Variants in DYRK1A observed in about 807,000 individuals in gnomAD.
DYRK1A encodes dual specificity tyrosine phosphorylation regulated kinase 1A.
A neutral mutation model predicts 79.7 loss-of-function variants in DYRK1A; 9 were observed. The ratio of observed to expected loss-of-function variants is 0.11; its 90% confidence interval spans 0.07 to 0.20. DYRK1A has a LOEUF of 0.20. Among genes scored for constraint, DYRK1A ranks in the 10% least tolerant of loss-of-function variants. DYRK1A has a pLI of 1.00. For synonymous variants in DYRK1A, 349 were observed against 329.7 expected, an observed-to-expected ratio of 1.06 and a Z score of -0.63; for missense variants, 622 against 956.0, an observed-to-expected ratio of 0.65 and a Z score of 4.61.
chr21:37,388,249 A>G (rs775982520), intron 1 of DYRK1A, among the ~76,000 whole-genome samples: 1 of 151,116 alleles, frequency 6.6e-6, no homozygotes, highest in Non-Finnish European at 1.5e-5. Flanking sequence ...TGCCTGACTA[A>G]TTTTTCTGTA....
intron 2 of DYRK1A, among the ~76,000 whole-genome samples, chr21:37,444,356 T>A (rs891340117): frequency 8.7e-5 from 13 of 149,492 alleles, no homozygotes; most frequent in African/African-American, 3.3e-4. Flanking sequence ...GATCAGTAAC[T>A]GCAGGAAGGA....
intron 1 of DYRK1A, among the ~76,000 whole-genome samples, chr21:37,416,438 T>C (rs1161949264): frequency 6.6e-6 from 1 of 151,758 alleles, no homozygotes; most frequent in Non-Finnish European, 1.5e-5. Flanking sequence ...TTTTTCTCTG[T>C]AATGCTGCTT....
At chr21:37,482,271 A>C (rs980571889) in intron 5 of DYRK1A, among the ~76,000 whole-genome samples, 1 of 152,154 alleles carries the variant, frequency 6.6e-6, no homozygotes, top group African/African-American at 2.4e-5. Context: ...TTCACCCCCA[A>C]TATTTCATGT....
At position 37,522,809 on chromosome 21, in the gene DYRK1A, C is replaced by T. The variant is rs551083106; in HGVS notation, c.*10278C>T. On this transcript the variant is annotated 3_prime_UTR_variant, in exon 12 of 12. Coordinates refer to ENST00000647188, the MANE Select transcript of DYRK1A (RefSeq NM_001347721.2). Reference sequence around the variant, plus strand: ...CCTTCTCAAAAGCCTGCTCTTTGCCCATTTCTCTGTTCCCAAGGTCATTTT... The same window carrying T: ...CCTTCTCAAAAGCCTGCTCTTTGCCTATTTCTCTGTTCCCAAGGTCATTTT... 1 of 152,432 alleles carries T rather than the reference C, an allele frequency of 6.6e-6. No individual in the cohort carries two copies. Among genetic ancestry groups the T allele is most frequent in the South Asian group, 2.1e-4 (1 of 4,832 alleles). 9.4% of individuals were successfully genotyped at this position (152,432 alleles called of 1,614,324 possible).
Position 37,385,589 on chromosome 21 carries a change from C to T in DYRK1A, c.-77+17961C>T, listed in dbSNP as rs543120773. Among the ~76,000 whole-genome samples, 4 of 152,310 alleles carry T rather than the reference C, an allele frequency of 2.6e-5. No individual in the cohort carries two copies. In the East Asian group the frequency reaches 7.7e-4, roughly 29 times the overall value. ...TTTGTTGTATTCTCTTGCTTAAAAA[C>T]AAGTCACAGGTACTGCCCACACTCG... On this transcript the variant is annotated intron_variant, in intron 1 of 11. Coordinates refer to ENST00000647188, the MANE Select transcript of DYRK1A (RefSeq NM_001347721.2).
At chr21:37,424,817 A>C (rs919423093) in intron 2 of DYRK1A, among the ~76,000 whole-genome samples, 1 of 152,146 alleles carries the variant, frequency 6.6e-6, no homozygotes, top group Non-Finnish European at 1.5e-5. Context: ...AATGTTTGAA[A>C]AATTTTCAGG....
At chr21:37,444,322 T>C (rs1252299446) in intron 2 of DYRK1A, among the ~76,000 whole-genome samples, 1 of 152,236 alleles carries the variant, frequency 6.6e-6, no homozygotes, top group Non-Finnish European at 1.5e-5. Context: ...AACAGACAAG[T>C]TGCAGAATGG....
rs140175455 is a variant in DYRK1A, at chr21:37,455,902, C to T, written c.11-16782C>T. 1.7e-3 allele frequency among the ~76,000 whole-genome samples: 260 copies of T among 152,262 alleles called. 1 individual carries two copies. Among genetic ancestry groups the T allele is most frequent in the Middle Eastern group, 3.4e-3 (1 of 294 alleles). On this transcript the variant is annotated intron_variant, in intron 2 of 11. Coordinates refer to ENST00000647188, the MANE Select transcript of DYRK1A (RefSeq NM_001347721.2). ...GATTTAATTGATTTGCCCAAAGCGACACAGAAGTTGGTAGCTAGCTAGTAA... is the reference window on the plus strand; with the variant it reads ...GATTTAATTGATTTGCCCAAAGCGATACAGAAGTTGGTAGCTAGCTAGTAA...
chr21:37,420,265 T>C (rs1214849743), intron 1 of DYRK1A, 34 bp from the exon 2 acceptor site: 1 of 800,458 alleles, frequency 1.2e-6, no homozygotes, highest in African/African-American at 1.7e-5. Context: ...CTTGCATCAT[T>C]ATCTCTTATC....
chr21:37,488,297 AAG>A (rs1162760234), intron 6 of DYRK1A: 1 of 958,780 alleles, frequency 1.0e-6, no homozygotes, highest in African/African-American at 1.8e-5. Context: ...TGGAAAACAA[AAG>A]AACTTTAGAT....
At chr21:37,478,114 A>T in intron 3 of DYRK1A, 94 bp from the exon 4 acceptor site, 2 of 1,539,464 alleles carry the variant, frequency 1.3e-6, no homozygotes, top group South Asian at 2.4e-5. Context: ...AAGTAGATAC[A>T]TGCAGGTTAC....
At chr21:37,486,701 T>G in intron 6 of DYRK1A, 87 bp downstream of exon 6, 1 of 1,280,018 alleles carries the variant, frequency 7.8e-7, no homozygotes, top group South Asian at 2.4e-5. Flanking sequence ...ATATTTTGAT[T>G]TTATTTTAAA....
intron 1 of DYRK1A, among the ~76,000 whole-genome samples, chr21:37,394,179 A>T (rs139729208): frequency 2.2e-4 from 32 of 148,776 alleles, no homozygotes; most frequent in African/African-American, 5.9e-4. Context: ...AATCCTACTG[A>T]CCGATTCATT....
intron 2 of DYRK1A, among the ~76,000 whole-genome samples, chr21:37,424,409 C>T (rs990309122): frequency 1.4e-4 from 22 of 152,186 alleles, no homozygotes; most frequent in African/African-American, 5.1e-4. Flanking sequence ...GGAAACATAT[C>T]CCAAGTTTTA....
At chr21:37,482,357 A>C (rs554222548) in intron 5 of DYRK1A, among the ~76,000 whole-genome samples, 142 of 152,320 alleles carry the variant, frequency 9.3e-4, no homozygotes, top group African/African-American at 2.6e-3. Context: ...GAAATATTTT[A>C]AAGCTGGGCA....
At chr21:37,414,135 A>G (rs2050292858) in intron 1 of DYRK1A, among the ~76,000 whole-genome samples, 2 of 152,096 alleles carry the variant, frequency 1.3e-5, no homozygotes, top group Non-Finnish European at 2.9e-5. Flanking sequence ...GTGGAATTTT[A>G]TTAGGTTGGT....
intron 4 of DYRK1A, among the ~76,000 whole-genome samples, chr21:37,479,063 C>G (rs1375034808): frequency 6.6e-6 from 1 of 152,156 alleles, no homozygotes; most frequent in African/African-American, 2.4e-5. Context: ...TAGTGGGAGC[C>G]CTGCACCCTT....
At chr21:37,439,179 CT>C (rs1454640280) in intron 2 of DYRK1A, among the ~76,000 whole-genome samples, 1 of 152,098 alleles carries the variant, frequency 6.6e-6, no homozygotes, top group Non-Finnish European at 1.5e-5. Context: ...AATAATGCAG[CT>C]TTTTGGTAGG....
intron 2 of DYRK1A, among the ~76,000 whole-genome samples, chr21:37,447,377 T>A (rs2051307515): frequency 6.6e-6 from 1 of 152,148 alleles, no homozygotes; most frequent in African/African-American, 2.4e-5. Context: ...TATGTGAACA[T>A]ACATTAAAAA....
Sources: gnomAD v4.1 joint callset for allele counts (sites outside exome capture counted in the v4.1 genomes callset) on GRCh38, gnomAD v4.1.1 for gene constraint, MANE v1.5 for transcripts, NCBI Gene and HGNC (gene_info 2026-07-23, HGNC 2026-07-21) for gene names.